The following PPFIBP2 variants were observed in gnomAD, a reference collection of about 807,000 sequenced individuals.
The protein encoded by PPFIBP2 is PPFIB scaffold protein 2.
A neutral mutation model predicts 118.3 loss-of-function variants in PPFIBP2; 118 were observed. The observed-to-expected ratio is 1.00, with a 90% CI of 0.86 to 1.16. PPFIBP2 has a LOEUF of 1.16. Ranked by LOEUF, PPFIBP2 falls within the 50% of genes most tolerant of loss-of-function variation. The pLI is 0.00. For missense variants in PPFIBP2, 1,195 were observed against 1,073.1 expected, an observed-to-expected ratio of 1.11 and a Z score of -1.59; for synonymous variants, 414 against 397.4, an observed-to-expected ratio of 1.04 and a Z score of -0.50.
chr11:7,666,064 G>T, the PPFIBP2 span: 2 of 706,068 alleles, frequency 2.8e-6, no homozygotes, highest in East Asian at 2.7e-5. Context: ...GCATGTCCAG[G>T]TGAGGTGGGC....
rs1369150880 is a variant in PPFIBP2, at chr11:7,649,141, T to C, written c.1910-6T>C. 3.1e-6 allele frequency: 5 copies of C among 1,612,918 alleles called. No individual in the cohort carries two copies. The highest frequency in any genetic ancestry group is 2.7e-5 in the African/African-American group (2 of 74,974). On this transcript the variant is annotated splice_region_variant and splice_polypyrimidine_tract_variant and intron_variant, in intron 19 of 23. Coordinates refer to ENST00000299492, the MANE Select transcript of PPFIBP2 (RefSeq NM_003621.5). ...CCTGACACATCTGGGGTTTTTGTAT[T>C]TGTAGGGTGGCTTGATGATATTGGC...
chr11:7,649,390 C>T, intron 20 of PPFIBP2, 142 bp from the exon 21 acceptor site: 1 of 1,286,094 alleles, frequency 7.8e-7, no homozygotes, highest in Non-Finnish European at 1.1e-6. Flanking sequence ...AGAGTACAAA[C>T]CACTGTGATA....
chr11:7,564,630 A>G (rs1854742178), intron 2 of PPFIBP2, among the ~76,000 whole-genome samples: 1 of 152,178 alleles, frequency 6.6e-6, no homozygotes, highest in Non-Finnish European at 1.5e-5. Flanking sequence ...TGATTTGAGT[A>G]GCACTCTGCA....
intron 3 of PPFIBP2, among the ~76,000 whole-genome samples, chr11:7,577,790 T>G (rs1856663187): frequency 6.6e-6 from 1 of 152,128 alleles, no homozygotes; most frequent in Non-Finnish European, 1.5e-5. Context: ...GAGAATCTAA[T>G]TATAGACACC....
chr11:7,630,936 A>G lies in PPFIBP2; in HGVS notation c.976A>G (p.Arg326Gly), dbSNP rs1850675691. The G allele has an allele frequency of 6.2e-7, 1 of 1,613,824 alleles. No homozygotes were observed. Among genetic ancestry groups the G allele is most frequent in the Admixed American group, 1.7e-5 (1 of 60,002 alleles). Residue 326 changes from arginine (R) to glycine (G), a missense_variant, in exon 11 of 24, where the codon AGA (arginine) becomes GGA (glycine). Physicochemically the swap from Arg to Gly is moderately radical, Grantham distance 125. Transcript: ENST00000299492. ...CTTAATGCTTGCAGGGCCTTCGGAGAGAACTCTCTCAATCAATGAAGAAGA... is the reference window on the plus strand; with the variant it reads ...CTTAATGCTTGCAGGGCCTTCGGAGGGAACTCTCTCAATCAATGAAGAAGA... ...IVMVTQGPSE[R>G]TLSINEEEPE...
At position 7,575,807 on chromosome 11, in the gene PPFIBP2, C is replaced by T. The variant is rs145811099; in HGVS notation, c.279+10040C>T. On this transcript the variant is annotated intron_variant, in intron 3 of 23. Coordinates refer to ENST00000299492, the MANE Select transcript of PPFIBP2 (RefSeq NM_003621.5). ...TCCTTGGCAACATCCTGCCATAGCA[C>T]GGGCAGGGAACCTGGGCTGGGTGGG... 1.5e-4 allele frequency among the ~76,000 whole-genome samples: 23 copies of T among 152,360 alleles called. No individual in the cohort carries two copies. The South Asian group carries it at 2.7e-3, about 18-fold the overall frequency.
chr11:7,615,939 A>G (rs1485997068), intron 6 of PPFIBP2, among the ~76,000 whole-genome samples: 4 of 152,230 alleles, frequency 2.6e-5, no homozygotes, highest in Non-Finnish European at 5.9e-5. Context: ...TATAATTCTG[A>G]CTGTGCAATC....
chr11:7,576,331 T>TCC (rs1856313814), intron 3 of PPFIBP2: 1 of 152,322 alleles, frequency 6.6e-6, no homozygotes, highest in African/African-American at 2.4e-5. Flanking sequence ...ACTTTGATAA[T>TCC]CAGCCATAGC....
intron 1 of PPFIBP2, among the ~76,000 whole-genome samples, chr11:7,535,810 T>G (rs1851155770): frequency 6.6e-6 from 1 of 150,470 alleles, no homozygotes; most frequent in African/African-American, 2.5e-5. Context: ...GCAGTAGGAG[T>G]GGAAAGGATG....
intron 2 of PPFIBP2, among the ~76,000 whole-genome samples, chr11:7,561,394 G>T (rs1322564384): frequency 1.3e-5 from 2 of 152,144 alleles, no homozygotes; most frequent in Non-Finnish European, 2.9e-5. Context: ...GCTATAATTT[G>T]TCTTTTAATT....
At chr11:7,623,035 A>G (rs538306413) in intron 7 of PPFIBP2, among the ~76,000 whole-genome samples, 1 of 152,268 alleles carries the variant, frequency 6.6e-6, no homozygotes, top group South Asian at 2.1e-4. Context: ...CCAGTGAGGT[A>G]TATGTTTTTT....
At chr11:7,611,279 C>T (rs777726009) in intron 6 of PPFIBP2, among the ~76,000 whole-genome samples, 3 of 152,144 alleles carry the variant, frequency 2.0e-5, no homozygotes, top group East Asian at 1.9e-4. Context: ...CAAATAAAAT[C>T]GTGAAAGTTA....
intron 1 of PPFIBP2, among the ~76,000 whole-genome samples, chr11:7,529,881 GCC>G (rs1850541293): frequency 6.6e-6 from 1 of 152,204 alleles, no homozygotes; most frequent in South Asian, 2.1e-4. Context: ...GCTCTGGAAG[GCC>G]CTGTGGCCCT....
intron 11 of PPFIBP2, 165 bp downstream of exon 11, chr11:7,631,193 G>A: frequency 1.6e-6 from 1 of 614,078 alleles, no homozygotes; most frequent in Non-Finnish European, 2.9e-6. Context: ...GCGAGCAAGA[G>A]GCTGAGGCTC....
intron 1 of PPFIBP2, among the ~76,000 whole-genome samples, chr11:7,544,692 T>G (rs1852135480): frequency 6.8e-6 from 1 of 146,204 alleles, no homozygotes; most frequent in Non-Finnish European, 1.5e-5. Context: ...GAGAATGGCA[T>G]GAACCCGGGA....
intron 5 of PPFIBP2, chr11:7,605,778 G>A (rs1343023997): frequency 3.6e-6 from 5 of 1,388,012 alleles, no homozygotes; most frequent in Non-Finnish European, 4.6e-6. Flanking sequence ...ACAGATGAAA[G>A]GTCAGAAGAT....
intron 2 of PPFIBP2, among the ~76,000 whole-genome samples, chr11:7,557,290 CCTTTT>C (rs990741090): frequency 2.7e-5 from 4 of 150,742 alleles, no homozygotes; most frequent in African/African-American, 4.9e-5. Flanking sequence ...ATCATGCTTT[CCTTTT>C]CTTTAAGGTT....
intron 1 of PPFIBP2, among the ~76,000 whole-genome samples, chr11:7,540,322 G>A (rs1202874713): frequency 1.3e-5 from 2 of 152,132 alleles, no homozygotes; most frequent in African/African-American, 2.4e-5. Context: ...GGGAGATGAC[G>A]GCAGGGCAGG....
chr11:7,628,626 C>T (rs533629573), intron 9 of PPFIBP2, among the ~76,000 whole-genome samples: 1 of 152,308 alleles, frequency 6.6e-6, no homozygotes, highest in South Asian at 2.1e-4. Flanking sequence ...GCTGTGATCA[C>T]TGCCAATATC....
Sources: allele counts gnomAD v4.1 joint callset (sites outside exome capture counted in the v4.1 genomes callset), GRCh38; gene constraint gnomAD v4.1.1; transcripts MANE v1.5; gene names NCBI Gene and HGNC (gene_info 2026-07-23, HGNC 2026-07-21).